Variants in VSTM2B observed in about 807,000 individuals in gnomAD.
VSTM2B encodes the protein V-set and transmembrane domain-containing protein 2B.
Under a neutral mutation model 24.0 loss-of-function variants are expected in VSTM2B, and 24 were observed. That is an observed-to-expected ratio of 1.00 (90% CI 0.72 to 1.40). The LOEUF (loss-of-function observed/expected upper bound fraction) is 1.40, where lower values mean the gene tolerates loss of function less well. Among genes scored for constraint, VSTM2B ranks in the 40% most tolerant of loss-of-function variants. The pLI, the probability that VSTM2B is intolerant of heterozygous loss-of-function variation, is 0.00. For missense variants in VSTM2B, 399 were observed against 416.4 expected (o/e 0.96, Z 0.36); for synonymous variants, 226 against 194.4 (o/e 1.16, Z -1.35).
intron 3 of VSTM2B, 45 bp downstream of exon 3, chr19:29,528,507 C>A: frequency 6.5e-7 from 1 of 1,549,550 alleles, no homozygotes; most frequent in Non-Finnish European, 8.7e-7. Flanking sequence ...CCCTTCTGGC[C>A]GCCTCGGGTC....
rs368485212 is a variant in VSTM2B at position 29,556,401 on chromosome 19, G to A, written c.770-7445G>A. ...AACATACCTCAAAATAATGAAAGCC[G>A]TTTATGACAAACCTACAGCCAATAT... On this transcript the variant is annotated intron_variant, in intron 4 of 4. Coordinates refer to ENST00000335523, the MANE Select transcript of VSTM2B (RefSeq NM_001146339.2). 3.0e-4 allele frequency among the ~76,000 whole-genome samples: 45 copies of A among 152,232 alleles called. 1 individual carries two copies. The East Asian group carries it at 4.0e-3, about 14-fold the overall frequency.
At chr19:29,532,349 C>T (rs565266497) in intron 4 of VSTM2B, among the ~76,000 whole-genome samples, 1 of 152,298 alleles carries the variant, frequency 6.6e-6, no homozygotes, top group South Asian at 2.1e-4. Context: ...CATCTCTTCA[C>T]AGTGCAAGGG....
At chr19:29,560,897 G>A (rs906365336) in intron 4 of VSTM2B, among the ~76,000 whole-genome samples, 5 of 152,120 alleles carry the variant, frequency 3.3e-5, no homozygotes, top group Non-Finnish European at 5.9e-5. Flanking sequence ...TTCCCCTGCC[G>A]CTGCATACCC....
chr19:29,545,968 A>G (rs993905724), intron 4 of VSTM2B, among the ~76,000 whole-genome samples: 2 of 152,024 alleles, frequency 1.3e-5, no homozygotes, highest in Non-Finnish European at 2.9e-5. Context: ...GGATGCAGGG[A>G]GGCCAGTCAG....
chr19:29,535,712 G>A (rs1390522785), intron 4 of VSTM2B, among the ~76,000 whole-genome samples: 3 of 152,128 alleles, frequency 2.0e-5, no homozygotes, highest in Non-Finnish European at 4.4e-5. Flanking sequence ...CCCATGCCCC[G>A]GTGGTGATAG....
chr19:29,552,977 C>T (rs1970320940), intron 4 of VSTM2B, among the ~76,000 whole-genome samples: 1 of 152,156 alleles, frequency 6.6e-6, no homozygotes, highest in African/African-American at 2.4e-5. Flanking sequence ...TGGGACTGAG[C>T]CCCTCAGGGG....
chr19:29,540,936 AG>A (rs1389403866), intron 4 of VSTM2B, among the ~76,000 whole-genome samples: 1 of 152,154 alleles, frequency 6.6e-6, no homozygotes, highest in Non-Finnish European at 1.5e-5. Flanking sequence ...ATAATCAGGA[AG>A]ACAGTTAAGA....
At chr19:29,539,573 C>T (rs1969976997) in intron 4 of VSTM2B, among the ~76,000 whole-genome samples, 1 of 152,150 alleles carries the variant, frequency 6.6e-6, no homozygotes, top group Admixed American at 6.5e-5. Context: ...GGGAGTGCCC[C>T]ACAGGGATGG....
chr19:29,557,641 G>A (rs1457524963), intron 4 of VSTM2B, among the ~76,000 whole-genome samples: 2 of 151,766 alleles, frequency 1.3e-5, no homozygotes, highest in African/African-American at 4.8e-5. Flanking sequence ...GGAGGTTGCA[G>A]TGAGCTGAGA....
At chr19:29,535,833 C>T (rs541879976) in intron 4 of VSTM2B, among the ~76,000 whole-genome samples, 1 of 152,226 alleles carries the variant, frequency 6.6e-6, no homozygotes, top group African/African-American at 2.4e-5. Flanking sequence ...TTGAGGCAGC[C>T]ACCTGGTTTT....
chr19:29,560,050 T>A (rs898063847), intron 4 of VSTM2B, among the ~76,000 whole-genome samples: 6 of 152,296 alleles, frequency 3.9e-5, no homozygotes, highest in African/African-American at 1.4e-4. Flanking sequence ...ATGGCTCTTA[T>A]CCTGCAGCAG....
rs578072778 is a variant in VSTM2B, at chr19:29,552,919, A to G, written c.770-10927A>G. ...CACCTGGTGGGGCCTCCCTGCAGGA[A>G]TTTCAGCAACTACAGCCAGGCGTAT... On this transcript the variant is annotated intron_variant, in intron 4 of 4. Coordinates refer to ENST00000335523, the MANE Select transcript of VSTM2B (RefSeq NM_001146339.2). Among the ~76,000 whole-genome samples the G allele has an allele frequency of 3.9e-5, 6 of 152,284 alleles. No homozygotes were observed. In the South Asian group the frequency reaches 1.2e-3, roughly 32 times the overall value.
chr19:29,555,559 C>G (rs1479278529), intron 4 of VSTM2B, among the ~76,000 whole-genome samples: 1 of 151,932 alleles, frequency 6.6e-6, no homozygotes, highest in East Asian at 1.9e-4. Flanking sequence ...TAACCAAGAT[C>G]AGAGTGGAAC....
At chr19:29,532,669 T>C (rs76983401) in intron 4 of VSTM2B, among the ~76,000 whole-genome samples, 3,379 of 152,302 alleles carry the variant, frequency 0.022, 117 homozygotes, top group African/African-American at 0.075. Context: ...ATGAACAGGA[T>C]AATCTCTCTG....
intron 4 of VSTM2B, among the ~76,000 whole-genome samples, chr19:29,532,386 A>G (rs561368685): frequency 2.0e-5 from 3 of 152,288 alleles, no homozygotes; most frequent in African/African-American, 7.2e-5. Context: ...GGAGTTAGCC[A>G]TCTCTGTTCA....
intron 4 of VSTM2B, among the ~76,000 whole-genome samples, chr19:29,536,671 T>C (rs1032823825): frequency 5.3e-5 from 8 of 152,136 alleles, no homozygotes; most frequent in Non-Finnish European, 1.2e-4. Flanking sequence ...CAGAGCGCTC[T>C]CTCTGTGCTT....
At chr19:29,563,579 G>C (rs372626293) in intron 4 of VSTM2B, among the ~76,000 whole-genome samples, 1 of 152,136 alleles carries the variant, frequency 6.6e-6, no homozygotes, top group Admixed American at 6.5e-5. Context: ...TAATGACTTG[G>C]ACATTAGAGC....
chr19:29,546,714 G>T (rs1380950361), intron 4 of VSTM2B, among the ~76,000 whole-genome samples: 1 of 150,150 alleles, frequency 6.7e-6, no homozygotes, highest in Non-Finnish European at 1.5e-5. Flanking sequence ...GGCCGCCTGC[G>T]GCCCCCTCTG....
chr19:29,551,202 A>C (rs1970277483), intron 4 of VSTM2B, among the ~76,000 whole-genome samples: 1 of 152,214 alleles, frequency 6.6e-6, no homozygotes, highest in Non-Finnish European at 1.5e-5. Flanking sequence ...TGCCGATGGA[A>C]GTCCCAGCCC....
Sources: allele counts gnomAD v4.1 joint callset (sites outside exome capture counted in the v4.1 genomes callset), GRCh38; gene constraint gnomAD v4.1.1; transcripts MANE v1.5; gene names NCBI Gene and HGNC (gene_info 2026-07-23, HGNC 2026-07-21).